Variants in SAMD12 observed in about 807,000 individuals in gnomAD.
SAMD12 encodes the protein sterile alpha motif domain containing 12.
In SAMD12, 9 loss-of-function variants were observed where a neutral mutation model predicts 15.0. The ratio of observed to expected loss-of-function variants is 0.60; its 90% CI spans 0.36 to 1.05. SAMD12 has a LOEUF of 1.05. SAMD12 is among the 50% of genes least tolerant of loss of function. SAMD12 has a pLI of 0.01. For missense variants in SAMD12, 230 were observed against 234.2 expected (o/e 0.98, Z 0.12); for synonymous variants, 86 against 90.1 (o/e 0.96, Z 0.25).
chr8:118,387,682 C>T (rs1563818214), intron 3 of SAMD12, among the ~76,000 whole-genome samples: 1 of 152,160 alleles, frequency 6.6e-6, no homozygotes, highest in Non-Finnish European at 1.5e-5. Context: ...ATGCTCTGAA[C>T]CATCTCCCTA....
At chr8:118,444,078 A>G (rs1822834186) in intron 2 of SAMD12, among the ~76,000 whole-genome samples, 1 of 152,148 alleles carries the variant, frequency 6.6e-6, no homozygotes, top group Non-Finnish European at 1.5e-5. Flanking sequence ...TTTCTCTGAT[A>G]TGCTGCTGGG....
At chr8:118,329,574 C>T (rs1402429669) in intron 4 of SAMD12, among the ~76,000 whole-genome samples, 1 of 152,070 alleles carries the variant, frequency 6.6e-6, no homozygotes, top group African/African-American at 2.4e-5. Context: ...TATCACTATG[C>T]TGTACTTGTG....
intron 4 of SAMD12, among the ~76,000 whole-genome samples, chr8:118,225,137 C>T (rs1178380029): frequency 6.6e-6 from 1 of 152,158 alleles, no homozygotes; most frequent in Non-Finnish European, 1.5e-5. Flanking sequence ...GGGGATAAGA[C>T]ATTTTTTATT....
rs1819380190 is a variant in SAMD12, at chr8:118,191,756, T to TTCTCTCTCTCTC, written c.*5953_*5954insGAGAGAGAGAGA. The TTCTCTCTCTCTC allele has an allele frequency of 4.6e-4, 7 of 15,360 alleles. 2 individuals are homozygous for TTCTCTCTCTCTC. The highest frequency in any genetic ancestry group is 1.3e-3 in the African/African-American group (6 of 4,672). The allele number at this position is 15,360 out of a possible 1,614,324, so 1.0% of individuals were successfully genotyped here. A position where few individuals can be genotyped will look rare whatever the true frequency, so the allele number is the denominator to read the frequency against. On this transcript the variant is annotated 3_prime_UTR_variant, in exon 5 of 5. Transcript: ENST00000409003. ...TGTGGTTGAAAAAAAATACTGGAGATTATATATATATATATATATATATAT... is the reference window on the plus strand; with the variant it reads ...TGTGGTTGAAAAAAAATACTGGAGATTCTCTCTCTCTCTATATATATATATATATATATATAT...
intron 4 of SAMD12, among the ~76,000 whole-genome samples, chr8:118,204,535 A>G (rs1288211117): frequency 2.0e-5 from 3 of 152,136 alleles, no homozygotes; most frequent in Non-Finnish European, 4.4e-5. Context: ...CGGGCAGATC[A>G]CGAGGTCAGA....
chr8:118,534,239 A>G lies in SAMD12; in HGVS notation c.192+46476T>C, dbSNP rs563119542. On this transcript the variant is annotated intron_variant, in intron 2 of 3. Transcript: ENST00000314727. Reference sequence around the variant, plus strand: ...CTGGATATGAAATTCTGGGTTGCAAATTCTTTTCTTTAAGAATGTTGAATA... The same window carrying G: ...CTGGATATGAAATTCTGGGTTGCAAGTTCTTTTCTTTAAGAATGTTGAATA... 2.1e-3 allele frequency among the ~76,000 whole-genome samples: 315 copies of G among 152,160 alleles called. 3 individuals carry two copies. Among genetic ancestry groups the G allele is most frequent in the African/African-American group, 7.2e-3 (299 of 41,516 alleles).
chr8:118,558,591 T>C (rs7830793), intron 2 of SAMD12, among the ~76,000 whole-genome samples: 133,624 of 152,152 alleles, frequency 0.88, 58,852 homozygotes, highest in African/African-American at 0.94. Context: ...CAGAGTCTGA[T>C]TCTGTCTCCC....
chr8:118,145,691 A>G, the SAMD12 span, among the ~76,000 whole-genome samples: 1 of 152,230 alleles, frequency 6.6e-6, no homozygotes, highest in Non-Finnish European at 1.5e-5. Context: ...TATGCCAAAA[A>G]GCAGATATGA....
chr8:118,201,658 A>G (rs1298743773), intron 4 of SAMD12, among the ~76,000 whole-genome samples: 2 of 152,194 alleles, frequency 1.3e-5, no homozygotes, highest in Non-Finnish European at 2.9e-5. Context: ...TCTCTGTTTA[A>G]TTCAGTAACT....
intron 2 of SAMD12, among the ~76,000 whole-genome samples, chr8:118,477,469 T>C (rs1823992313): frequency 1.3e-5 from 2 of 152,206 alleles, no homozygotes; most frequent in South Asian, 4.1e-4. Context: ...TAGCTGAAGA[T>C]AAAAGATCCT....
At chr8:118,464,586 A>G (rs956961045) in intron 2 of SAMD12, among the ~76,000 whole-genome samples, 1 of 152,216 alleles carries the variant, frequency 6.6e-6, no homozygotes, top group African/African-American at 2.4e-5. Context: ...AAAGTCAAGA[A>G]GGTAAAGAGA....
At chr8:118,254,951 T>TC (rs1812899602) in intron 4 of SAMD12, among the ~76,000 whole-genome samples, 1 of 151,992 alleles carries the variant, frequency 6.6e-6, no homozygotes, top group Non-Finnish European at 1.5e-5. Flanking sequence ...CTTATTTCTT[T>TC]CCCCAATGCC....
intron 4 of SAMD12, among the ~76,000 whole-genome samples, chr8:118,283,905 A>G (rs1813788536): frequency 6.6e-6 from 1 of 152,218 alleles, no homozygotes; most frequent in South Asian, 2.1e-4. Flanking sequence ...GCATGTTCCC[A>G]TTCAAAAATA....
chr8:118,613,400 T>C (rs536404505), intron 1 of SAMD12, among the ~76,000 whole-genome samples: 1 of 152,224 alleles, frequency 6.6e-6, no homozygotes, highest in Non-Finnish European at 1.5e-5. Context: ...ATTGAAAGTA[T>C]GTGTTAATTC....
chr8:118,228,056 T>G (rs1035793983), intron 4 of SAMD12, among the ~76,000 whole-genome samples: 12 of 152,168 alleles, frequency 7.9e-5, no homozygotes, highest in African/African-American at 2.7e-4. Flanking sequence ...TTTCAACAAA[T>G]GGTACTCAGA....
chr8:118,429,721 C>T (rs911460174), intron 3 of SAMD12, among the ~76,000 whole-genome samples: 14 of 152,054 alleles, frequency 9.2e-5, no homozygotes, highest in African/African-American at 3.4e-4. Flanking sequence ...TTGTGAAATC[C>T]TGTCTCTACT....
intron 4 of SAMD12, among the ~76,000 whole-genome samples, chr8:118,295,237 C>G (rs1814643047): frequency 6.6e-6 from 1 of 152,096 alleles, no homozygotes; most frequent in African/African-American, 2.4e-5. Flanking sequence ...GTTTGAGCTG[C>G]AAATTATTGG....
At chr8:118,421,549 G>A (rs1169023885) in intron 3 of SAMD12, among the ~76,000 whole-genome samples, 3 of 152,116 alleles carry the variant, frequency 2.0e-5, no homozygotes, top group African/African-American at 7.2e-5. Context: ...ATCCAAATGT[G>A]GACACTTTGG....
At chr8:118,619,626 A>G (rs1313285671) in intron 1 of SAMD12, among the ~76,000 whole-genome samples, 1 of 152,192 alleles carries the variant, frequency 6.6e-6, no homozygotes, top group Non-Finnish European at 1.5e-5. Context: ...ATTCATGAGC[A>G]TTGAGTACCT....
Sources: gnomAD v4.1 joint callset for allele counts (sites outside exome capture counted in the v4.1 genomes callset) on GRCh38, gnomAD v4.1.1 for gene constraint, MANE v1.5 for transcripts, NCBI Gene and HGNC (gene_info 2026-07-23, HGNC 2026-07-21) for gene names.